TMEM236: variants seen among roughly 807,000 people sequenced by gnomAD.
TMEM236 encodes transmembrane protein 236, also known as family with sequence similarity 23, member A.
A neutral mutation model predicts 14.7 loss-of-function variants in TMEM236; 11 were observed. The ratio of observed to expected loss-of-function variants is 0.75; its 90% confidence interval spans 0.47 to 1.24. The LOEUF (loss-of-function observed/expected upper bound fraction) is 1.24. Among genes scored for constraint, TMEM236 ranks in the 50% most tolerant of loss-of-function variants. The pLI, the probability that TMEM236 is intolerant of heterozygous loss-of-function variation, is 0.00. For missense variants in TMEM236, 464 were observed against 427.3 expected (o/e 1.09, Z -0.76); for synonymous variants, 182 against 168.6 (o/e 1.08, Z -0.62).
chr10:17,781,832 A>G (rs1354368576), intron 3 of TMEM236, among the ~76,000 whole-genome samples: 5 of 151,540 alleles, frequency 3.3e-5, no homozygotes, highest in African/African-American at 1.2e-4. Flanking sequence ...GAGCTTCATC[A>G]TGATCAACAA....
intron 2 of TMEM236, among the ~76,000 whole-genome samples, chr10:17,772,015 A>C (rs933201699): frequency 2.0e-5 from 3 of 152,216 alleles, no homozygotes; most frequent in Non-Finnish European, 4.4e-5. Flanking sequence ...AAGCATACTT[A>C]ATTTACTAAA....
chr10:17,797,103 C>CA lies in TMEM236; in HGVS notation c.*600dup, dbSNP rs1424246460. On this transcript the variant is annotated 3_prime_UTR_variant, in exon 4 of 4. Transcript: ENST00000377495. ...CCCTGGTGCCAAAAAGGTTGGGGACCACTGATGTATACCACGCTTTTTCTA... is the reference window on the plus strand; with the variant it reads ...CCCTGGTGCCAAAAAGGTTGGGGACCAACTGATGTATACCACGCTTTTTCTA... 6.3e-6 allele frequency: 1 copy of CA among 158,468 alleles called. No individual in the cohort carries two copies. The highest frequency in any genetic ancestry group is 1.9e-4 in the East Asian group (1 of 5,258). The allele number at this position is 158,468 out of a possible 1,614,324, so 9.8% of individuals were successfully genotyped here. A position where few individuals can be genotyped will look rare whatever the true frequency, so the allele number is the denominator to read the frequency against.
intron 1 of TMEM236, among the ~76,000 whole-genome samples, chr10:17,767,894 G>C (rs1837494770): frequency 1.3e-5 from 2 of 149,184 alleles, no homozygotes; most frequent in Non-Finnish European, 3.0e-5. Context: ...ATTTTTACTA[G>C]ATCTTAAGTA....
At chr10:17,771,505 AG>A (rs1554834824) in intron 2 of TMEM236, 124 bp downstream of exon 2, 1 of 924,936 alleles carries the variant, frequency 1.1e-6, no homozygotes, top group African/African-American at 1.6e-5. Flanking sequence ...ATCTTCTTCC[AG>A]GTTGCAATAT....
chr10:17,752,345 T>C lies in TMEM236; in HGVS notation c.50T>C (p.Phe17Ser), dbSNP rs1447877746. ...TTCGTGGTTTTTGAGCTCCTAGAGT[T>C]TGCCGCTTTCTCCATCCCCACACTC... is the stretch of plus-strand genomic sequence containing the variant. ...IKFVVFELLE[F>S]AAFSIPTLVI... The change falls in exon 1 of 4, where the codon TTT (phenylalanine) becomes TCT (serine). Residue 17 changes from phenylalanine (F) to serine (S), a missense_variant. By Grantham distance (155) the Phe-to-Ser change is radical. Transcript: ENST00000377495. 3.1e-6 allele frequency: 5 copies of C among 1,613,658 alleles called. No homozygotes were observed. The African/African-American group carries it at 6.7e-5, about 22-fold the overall frequency.
chr10:17,765,778 T>C (rs1001217570), intron 1 of TMEM236, among the ~76,000 whole-genome samples: 8 of 152,224 alleles, frequency 5.3e-5, no homozygotes. Context: ...CAGCCTTGCA[T>C]GGTCATAGCT....
chr10:17,759,775 A>G (rs1837329147), intron 1 of TMEM236, among the ~76,000 whole-genome samples: 1 of 151,914 alleles, frequency 6.6e-6, no homozygotes, highest in East Asian at 1.9e-4. Flanking sequence ...GACTGCCCCA[A>G]GGGGACCATC....
Position 17,790,623 on chromosome 10 carries a change from C to G in TMEM236, c.473-5298C>G, listed in dbSNP as rs1048868896. On this transcript the variant is annotated intron_variant, in intron 3 of 3. Transcript: ENST00000377495. ...GTATTTTAATTTATTGCCTTTTTCCCTTTGTCCTCTGAAATTATTATGACT... is the reference window on the plus strand; with the variant it reads ...GTATTTTAATTTATTGCCTTTTTCCGTTTGTCCTCTGAAATTATTATGACT... Among the ~76,000 whole-genome samples, 978 of 152,240 alleles carry G rather than the reference C, an allele frequency of 6.4e-3. 12 individuals carry two copies. The highest frequency in any genetic ancestry group is 0.022 in the African/African-American group (920 of 41,564).
chr10:17,773,283 G>A (rs1341844329), intron 2 of TMEM236, among the ~76,000 whole-genome samples: 1 of 152,142 alleles, frequency 6.6e-6, no homozygotes, highest in Non-Finnish European at 1.5e-5. Context: ...GATTTCTATA[G>A]CATCTCTATA....
chr10:17,768,183 CT>C (rs1837506086), intron 1 of TMEM236, among the ~76,000 whole-genome samples: 2 of 148,552 alleles, frequency 1.3e-5, no homozygotes, highest in East Asian at 3.9e-4. Context: ...CCACCTTGGC[CT>C]CCCAAAGTGC....
At chr10:17,755,112 T>G (rs900445891) in intron 1 of TMEM236, among the ~76,000 whole-genome samples, 3 of 151,486 alleles carry the variant, frequency 2.0e-5, no homozygotes, top group Non-Finnish European at 4.4e-5. Flanking sequence ...CTAATGTTTT[T>G]TTTTTTTTTT....
In TMEM236 at chr10:17,785,745, G is replaced by GGC. The variant is rs1253424879; in HGVS notation, c.472+9576_472+9577insCG. Among the ~76,000 whole-genome samples the GGC allele has an allele frequency of 1.3e-4, 20 of 151,680 alleles. 2 individuals are homozygous for GGC. The highest frequency in any genetic ancestry group is 4.4e-4 in the African/African-American group (18 of 41,330). ...GGAACACTGTGTCCGGGGACCAACC[G>GGC]GGGGGGGATATTTCCTTTCCTACCC... On this transcript the variant is annotated intron_variant, in intron 3 of 3. Transcript: ENST00000377495.
At chr10:17,753,872 A>G (rs1470284223) in intron 1 of TMEM236, among the ~76,000 whole-genome samples, 1 of 152,246 alleles carries the variant, frequency 6.6e-6, no homozygotes, top group African/African-American at 2.4e-5. Context: ...CTAACAGTGT[A>G]TAAGTATTCC....
chr10:17,772,448 G>T (rs1002492837), intron 2 of TMEM236, among the ~76,000 whole-genome samples: 1 of 152,146 alleles, frequency 6.6e-6, no homozygotes, highest in Admixed American at 6.6e-5. Flanking sequence ...CATTTGGAAG[G>T]TTCTCAAAAG....
chr10:17,794,059 T>C (rs1478544121), intron 3 of TMEM236, among the ~76,000 whole-genome samples: 1 of 152,222 alleles, frequency 6.6e-6, no homozygotes, highest in East Asian at 1.9e-4. Flanking sequence ...TTTTAGTTTA[T>C]AAAAATGCTC....
chr10:17,757,025 C>G (rs1837293870), intron 1 of TMEM236, among the ~76,000 whole-genome samples: 1 of 152,180 alleles, frequency 6.6e-6, no homozygotes, highest in African/African-American at 2.4e-5. Flanking sequence ...TTGCTGGCCA[C>G]ACGTGTTTTA....
At chr10:17,762,199 T>G (rs2131742715) in intron 1 of TMEM236, among the ~76,000 whole-genome samples, 1 of 152,300 alleles carries the variant, frequency 6.6e-6, no homozygotes, top group Admixed American at 6.5e-5. Flanking sequence ...GGCAGTGGCA[T>G]CATTCTGCCA....
rs1164481723 is a variant in TMEM236, at chr10:17,799,009, C to G, written c.*2505C>G. ...AATAATACATACAATCTTAAGGTTA[C>G]TTCAGACTATACTTTTTCATCGAGG... On this transcript the variant is annotated 3_prime_UTR_variant, in exon 4 of 4. Transcript: ENST00000377495. The G allele has an allele frequency of 7.2e-6, 2 of 279,422 alleles. No individual in the cohort carries two copies. The highest frequency in any genetic ancestry group is 1.4e-5 in the Non-Finnish European group (2 of 144,542). The allele number at this position is 279,422 out of a possible 1,614,324, so 17.3% of individuals were successfully genotyped here.
At chr10:17,781,097 C>G (rs2131757131) in intron 3 of TMEM236, among the ~76,000 whole-genome samples, 1 of 152,300 alleles carries the variant, frequency 6.6e-6, no homozygotes, top group East Asian at 1.9e-4. Context: ...TTTGACCATG[C>G]CTAGTCCCAG....
Sources: allele counts gnomAD v4.1 joint callset (sites outside exome capture counted in the v4.1 genomes callset), GRCh38; gene constraint gnomAD v4.1.1; transcripts MANE v1.5; gene names NCBI Gene and HGNC (gene_info 2026-07-23, HGNC 2026-07-21).